Variants in KLRK1 observed in about 807,000 individuals in gnomAD.
The protein encoded by KLRK1 is killer cell lectin like receptor K1.
Under a neutral mutation model 31.3 loss-of-function variants are expected in KLRK1, and 40 were observed. The observed-to-expected ratio is 1.28, with a 90% CI of 0.99 to 1.67. KLRK1 has a LOEUF of 1.67. Ranked by LOEUF, KLRK1 falls within the 40% of genes most tolerant of loss-of-function variation. KLRK1 has a pLI of 0.00. For synonymous variants in KLRK1, 77 were observed against 77.3 expected (o/e 1.00, Z 0.02); for missense variants, 251 against 260.0 (o/e 0.97, Z 0.24).
At position 10,373,104 on chromosome 12, in the gene KLRK1, T is replaced by C; in HGVS notation, c.*10A>G. 2 of 1,609,264 alleles carry C rather than the reference T, an allele frequency of 1.2e-6. No individual in the cohort carries two copies. Among genetic ancestry groups the C allele is most frequent in the Non-Finnish European group, 1.7e-6 (2 of 1,176,530 alleles). On this transcript the variant is annotated 3_prime_UTR_variant, in exon 8 of 8. Coordinates refer to ENST00000240618, the MANE Select transcript of KLRK1 (RefSeq NM_007360.4). ...CTGTTCCTGGCTTTTATTGAGATGGTTGATCATCTTTACACAGTCCTTTGC... is the reference window on the plus strand; with the variant it reads ...CTGTTCCTGGCTTTTATTGAGATGGCTGATCATCTTTACACAGTCCTTTGC...
At chr12:10,379,637 A>G in intron 4 of KLRK1, 63 bp downstream of exon 4, 1 of 1,484,682 alleles carries the variant, frequency 6.7e-7, no homozygotes, top group South Asian at 1.3e-5. Flanking sequence ...AATACTAACA[A>G]AAATAATACA....
intron 3 of KLRK1, among the ~76,000 whole-genome samples, chr12:10,381,037 G>A (rs1277005767): frequency 3.3e-5 from 5 of 152,010 alleles, no homozygotes; most frequent in Admixed American, 3.3e-4. Context: ...AACCAAAGGT[G>A]TAGTCATGAC....
chr12:10,379,440 C>CACTT lies in KLRK1; in HGVS notation c.277+3_277+6dup. 1 of 1,438,262 alleles carries CACTT rather than the reference C, an allele frequency of 7.0e-7. No homozygotes were observed. Among genetic ancestry groups the CACTT allele is most frequent in the Non-Finnish European group, 9.6e-7 (1 of 1,046,848 alleles). The allele number at this position is 1,438,262 out of a possible 1,614,324, so 89.1% of individuals were successfully genotyped here. On this transcript the variant is annotated splice_region_variant and intron_variant, in intron 5 of 7. Coordinates refer to ENST00000240618, the MANE Select transcript of KLRK1 (RefSeq NM_007360.4). The stretch of plus-strand genomic sequence containing the variant: ...TATGATCTAAAATATTTTAAAAATT[C>CACTT]ACTTACCGGTCAAGGGAATTTGAAC...
At chr12:10,387,370 T>C (rs1167546465) in intron 2 of KLRK1, among the ~76,000 whole-genome samples, 1 of 152,114 alleles carries the variant, frequency 6.6e-6, no homozygotes, top group East Asian at 1.9e-4. Flanking sequence ...ATATACAAAC[T>C]TGATAACTTC....
intron 7 of KLRK1, among the ~76,000 whole-genome samples, chr12:10,375,766 T>C (rs1862953797): frequency 6.6e-6 from 1 of 152,202 alleles, no homozygotes; most frequent in Non-Finnish European, 1.5e-5. Flanking sequence ...ATCTTTCAAA[T>C]GGTAGAAATG....
At chr12:10,384,081 G>A (rs1033082445) in intron 3 of KLRK1, among the ~76,000 whole-genome samples, 1 of 151,898 alleles carries the variant, frequency 6.6e-6, no homozygotes, top group Non-Finnish European at 1.5e-5. Flanking sequence ...AATGAAAACT[G>A]TAAAATACTG....
At position 10,388,857 on chromosome 12, in the gene KLRK1, T is replaced by A; in HGVS notation, c.-47A>T. The A allele has an allele frequency of 6.2e-7, 1 of 1,608,806 alleles. No homozygotes were observed. The highest frequency in any genetic ancestry group is 1.7e-4 in the Middle Eastern group (1 of 6,046). On this transcript the variant is annotated 5_prime_UTR_variant, in exon 2 of 8. The change creates a new upstream start codon in the 5' untranslated region. Transcript: ENST00000240618. The stretch of plus-strand genomic sequence containing the variant: ...CTACCGCAGAGAGGAATCTAAAGTC[T>A]TCAATGCACAAAGGATTCCTGAATA...
At chr12:10,388,574 A>C (rs1212377417) in intron 2 of KLRK1, among the ~76,000 whole-genome samples, 197 bp downstream of exon 2, 1 of 152,222 alleles carries the variant, frequency 6.6e-6, no homozygotes, top group Non-Finnish European at 1.5e-5. Context: ...AGTTAATAAA[A>C]TAAAGGGAAA....
intron 3 of KLRK1, 119 bp from the exon 4 acceptor site, chr12:10,379,911 C>G (rs1429434326): frequency 2.2e-6 from 2 of 894,594 alleles, no homozygotes; most frequent in Non-Finnish European, 3.2e-6. Flanking sequence ...CTTTTTCTGC[C>G]TTAATAATTT....
chr12:10,377,783 T>G (rs1862993039), intron 7 of KLRK1, among the ~76,000 whole-genome samples: 1 of 152,240 alleles, frequency 6.6e-6, no homozygotes, highest in Non-Finnish European at 1.5e-5. Context: ...ATGTGCAATT[T>G]ATTATATGTT....
At chr12:10,378,304 A>ACCATTTCATCTGTTCTC in intron 6 of KLRK1, 69 bp from the exon 7 acceptor site, 1 of 1,515,294 alleles carries the variant, frequency 6.6e-7, no homozygotes, top group Non-Finnish European at 9.1e-7. Flanking sequence ...CAAGACCATA[A>ACCATTTCATCTGTTCTC]CCATTTCATC....
intron 2 of KLRK1, among the ~76,000 whole-genome samples, chr12:10,387,548 T>C (rs1351570046): frequency 6.6e-6 from 1 of 151,510 alleles, no homozygotes; most frequent in Non-Finnish European, 1.5e-5. Flanking sequence ...TTTTAGTAAA[T>C]AGCAGTGTGT....
chr12:10,378,210 T>TATGACTTCACC lies in KLRK1; in HGVS notation c.444_454dup (p.Tyr152TrpfsTer2). ...AATGTGTACTAGTCCCATCCAATGA[T>TATGACTTCACC]ATGACTTCACCAGTTTAAGTAAATC... On this transcript the variant is annotated stop_gained and frameshift_variant, in exon 7 of 8. Transcript: ENST00000240618. LOFTEE classifies it high-confidence loss of function. 1.2e-6 allele frequency: 2 copies of TATGACTTCACC among 1,613,904 alleles called. No individual in the cohort carries two copies. Among genetic ancestry groups the TATGACTTCACC allele is most frequent in the South Asian group, 2.2e-5 (2 of 90,994 alleles).
intron 1 of KLRK1, among the ~76,000 whole-genome samples, chr12:10,389,192 G>A (rs1454350619): frequency 2.6e-5 from 4 of 152,054 alleles, no homozygotes. Flanking sequence ...GTTTATAGTC[G>A]TTTATTGCTT....
chr12:10,379,535 A>AT, intron 4 of KLRK1, 53 bp from the exon 5 acceptor site: 1 of 1,327,242 alleles, frequency 7.5e-7, no homozygotes, highest in Admixed American at 2.4e-5. Context: ...AACTTATAGT[A>AT]TAAGCAAATA....
At chr12:10,377,715 T>C (rs1013191534) in intron 7 of KLRK1, among the ~76,000 whole-genome samples, 2 of 152,230 alleles carry the variant, frequency 1.3e-5, no homozygotes, top group African/African-American at 4.8e-5. Flanking sequence ...CTTGATGTTC[T>C]TTATGTTTTC....
At chr12:10,375,826 A>G (rs535916746) in intron 7 of KLRK1, among the ~76,000 whole-genome samples, 1 of 152,336 alleles carries the variant, frequency 6.6e-6, no homozygotes, top group East Asian at 1.9e-4. Context: ...AACTATATTC[A>G]TAAGATCAGT....
At chr12:10,380,059 G>GTTTTTTTT (rs1162094591) in intron 3 of KLRK1, among the ~76,000 whole-genome samples, 13 of 83,768 alleles carry the variant, frequency 1.6e-4, no homozygotes, top group East Asian at 7.3e-4. Context: ...TGTTGTTATT[G>GTTTTTTTT]TTTTTTTTTT....
chr12:10,376,502 T>TATC (rs1286217738), intron 7 of KLRK1, among the ~76,000 whole-genome samples: 6 of 152,106 alleles, frequency 3.9e-5, no homozygotes, highest in Non-Finnish European at 8.8e-5. Flanking sequence ...CAAAAAGTAG[T>TATC]ATCTCAAAAT....
Sources: allele counts gnomAD v4.1 joint callset (sites outside exome capture counted in the v4.1 genomes callset), GRCh38; gene constraint gnomAD v4.1.1; transcripts MANE v1.5; gene names NCBI Gene and HGNC (gene_info 2026-07-23, HGNC 2026-07-21).